Variants in KIF13B observed in about 807,000 individuals in gnomAD.
The protein encoded by KIF13B is kinesin-like protein KIF13B.
In KIF13B, 127 loss-of-function variants were observed where a neutral mutation model predicts 222.0. The ratio of observed to expected loss-of-function variants is 0.57; its 90% confidence interval spans 0.50 to 0.66. The LOEUF (loss-of-function observed/expected upper bound fraction) is 0.66. Among genes scored for constraint, KIF13B ranks in the 30% least tolerant of loss-of-function variants. The probability of loss-of-function intolerance (pLI) is 0.00; values close to 1 mark genes in which losing one functional copy is unlikely to be tolerated. For missense variants in KIF13B, 2,173 were observed against 2,379.0 expected (o/e 0.91, Z 1.80); for synonymous variants, 976 against 919.0 (o/e 1.06, Z -1.12).
At chr8:29,104,108 G>A (rs1405647807) in intron 35 of KIF13B, among the ~76,000 whole-genome samples, 3 of 151,866 alleles carry the variant, frequency 2.0e-5, no homozygotes, top group African/African-American at 4.8e-5. Flanking sequence ...CCCTGGCGCC[G>A]CCACCTCAGT....
At chr8:29,171,727 C>T (rs1212142276) in intron 10 of KIF13B, among the ~76,000 whole-genome samples, 2 of 146,854 alleles carry the variant, frequency 1.4e-5, no homozygotes, top group African/African-American at 2.5e-5. Context: ...GTCCAAATGA[C>T]GTTAAAAAAA....
intron 2 of KIF13B, among the ~76,000 whole-genome samples, chr8:29,208,183 A>T (rs1464482301): frequency 6.6e-6 from 1 of 152,230 alleles, no homozygotes; most frequent in Non-Finnish European, 1.5e-5. Context: ...TGACCAAAAA[A>T]GTATCCTTTT....
intron 2 of KIF13B, among the ~76,000 whole-genome samples, chr8:29,206,963 A>G (rs1813973802): frequency 6.6e-6 from 1 of 152,148 alleles, no homozygotes; most frequent in Non-Finnish European, 1.5e-5. Context: ...CTGATGGGGC[A>G]CAACGCCACC....
chr8:29,224,572 C>T (rs956190402), intron 2 of KIF13B, among the ~76,000 whole-genome samples: 1 of 152,048 alleles, frequency 6.6e-6, no homozygotes, highest in South Asian at 2.1e-4. Flanking sequence ...TAATTCATTA[C>T]CTATGTTAAT....
chr8:29,122,740 C>T (rs1255961947), intron 28 of KIF13B, 94 bp from the exon 29 acceptor site: 2 of 944,952 alleles, frequency 2.1e-6, no homozygotes, highest in Non-Finnish European at 3.3e-6. Context: ...AGGGCTGTTA[C>T]AGGGCAAAGC....
At chr8:29,205,683 A>C (rs552469431) in intron 2 of KIF13B, among the ~76,000 whole-genome samples, 1 of 152,338 alleles carries the variant, frequency 6.6e-6, no homozygotes, top group South Asian at 2.1e-4. Flanking sequence ...CAGTAATGTC[A>C]TTAGAATTAA....
At chr8:29,199,574 C>CAAA (rs10579222) in intron 2 of KIF13B, among the ~76,000 whole-genome samples, 13 of 119,416 alleles carry the variant, frequency 1.1e-4, no homozygotes, top group African/African-American at 1.9e-4. Context: ...TTCCAAAATC[C>CAAA]AAAAAAAAAA....
At chr8:29,081,404 C>T (rs551534030) in intron 37 of KIF13B, among the ~76,000 whole-genome samples, 1 of 152,262 alleles carries the variant, frequency 6.6e-6, no homozygotes, top group Admixed American at 6.5e-5. Flanking sequence ...TAAAGCATAA[C>T]CTTAAACACT....
intron 24 of KIF13B, among the ~76,000 whole-genome samples, chr8:29,129,987 G>A (rs898127524): frequency 4.6e-5 from 7 of 152,184 alleles, no homozygotes; most frequent in Non-Finnish European, 2.9e-5. Flanking sequence ...TTGAGCCCAA[G>A]CATTTTACAA....
At chr8:29,253,050 G>A (rs1816340479) in intron 1 of KIF13B, among the ~76,000 whole-genome samples, 1 of 152,188 alleles carries the variant, frequency 6.6e-6, no homozygotes, top group African/African-American at 2.4e-5. Flanking sequence ...GGTTAGGAGA[G>A]GAGATGTGAT....
Position 29,109,996 on chromosome 8 carries a change from G to C in KIF13B, c.4005C>G (p.Asp1335Glu). Residue 1335 changes from aspartate to glutamate, a missense_variant, in exon 33 of 40, where the codon GAC (aspartate) becomes GAG (glutamate). Coordinates refer to ENST00000524189, the MANE Select transcript of KIF13B (RefSeq NM_015254.4). ...GGTACTTTTCAATATAAGCCTCCGA[G>C]TCAGCAGAAGCTGGGTTTTCAACAT... ...AANVENPASA[D>E]SEAYIEKYLR... The C allele has an allele frequency of 6.2e-7, 1 of 1,607,988 alleles. No individual in the cohort carries two copies. Among genetic ancestry groups the C allele is most frequent in the Non-Finnish European group, 8.5e-7 (1 of 1,177,214 alleles).
intron 36 of KIF13B, among the ~76,000 whole-genome samples, chr8:29,096,043 G>A (rs186974438): frequency 4.0e-5 from 6 of 150,566 alleles, no homozygotes; most frequent in African/African-American, 7.3e-5. Flanking sequence ...GTGCGATGGC[G>A]TGATCTTGGC....
At chr8:29,140,723 C>T (rs1447467384) in intron 19 of KIF13B, 106 bp from the exon 20 acceptor site, 5 of 1,010,708 alleles carry the variant, frequency 4.9e-6, no homozygotes, top group Non-Finnish European at 7.2e-6. Flanking sequence ...TAACTTTCAT[C>T]ATCCTAACTC....
intron 35 of KIF13B, among the ~76,000 whole-genome samples, chr8:29,100,540 T>TTCA (rs1345448367): frequency 6.6e-6 from 1 of 151,596 alleles, no homozygotes; most frequent in Non-Finnish European, 1.5e-5. Context: ...ACCTCCTGGG[T>TTCA]TCAAGCGATT....
intron 1 of KIF13B, among the ~76,000 whole-genome samples, chr8:29,246,640 A>G (rs1705595766): frequency 6.6e-6 from 1 of 152,202 alleles, no homozygotes; most frequent in South Asian, 2.1e-4. Context: ...AAAAATTCAG[A>G]ATAGACAAAA....
chr8:29,150,908 GTT>G (rs1180017218), intron 14 of KIF13B, among the ~76,000 whole-genome samples: 5 of 151,920 alleles, frequency 3.3e-5, no homozygotes, highest in African/African-American at 1.2e-4. Flanking sequence ...ACCTCTAACT[GTT>G]TAAGTAAAAG....
At chr8:29,127,352 T>C (rs933011464) in intron 24 of KIF13B, 84 bp from the exon 25 acceptor site, 2 of 1,184,304 alleles carry the variant, frequency 1.7e-6, no homozygotes, top group Admixed American at 2.2e-5. Flanking sequence ...CAGGCTGATG[T>C]TGAGAAAAAT....
intron 21 of KIF13B, among the ~76,000 whole-genome samples, chr8:29,134,820 G>A (rs1810487837): frequency 6.6e-6 from 1 of 152,142 alleles, no homozygotes; most frequent in African/African-American, 2.4e-5. Flanking sequence ...AGTGAAGTTA[G>A]TGAATGATGA....
At chr8:29,104,369 T>C (rs903085536) in intron 35 of KIF13B, among the ~76,000 whole-genome samples, 6 of 152,146 alleles carry the variant, frequency 3.9e-5, no homozygotes, top group African/African-American at 1.4e-4. Flanking sequence ...ACTTGGCCTC[T>C]GCAGGATTCT....
Sources: allele counts gnomAD v4.1 joint callset (sites outside exome capture counted in the v4.1 genomes callset), GRCh38; gene constraint gnomAD v4.1.1; transcripts MANE v1.5; gene names NCBI Gene and HGNC (gene_info 2026-07-23, HGNC 2026-07-21).